SLC4A10: variants seen among roughly 807,000 people sequenced by gnomAD.
The protein encoded by SLC4A10 is solute carrier family 4 member 10, also known as sodium-driven chloride bicarbonate exchanger.
SLC4A10 carries 42 observed loss-of-function variants against 137.7 expected under a neutral mutation model. The ratio of observed to expected loss-of-function variants is 0.30; its 90% CI spans 0.24 to 0.39. The LOEUF is 0.39. Among genes scored for constraint, SLC4A10 ranks in the 10% least tolerant of loss-of-function variants. The pLI is 1.00. For missense variants in SLC4A10, 925 were observed against 1,355.0 expected (o/e 0.68, Z 4.98); for synonymous variants, 474 against 464.1 (o/e 1.02, Z -0.27).
At chr2:161,684,073 G>A (rs910321484) in intron 1 of SLC4A10, among the ~76,000 whole-genome samples, 3 of 151,878 alleles carry the variant, frequency 2.0e-5, no homozygotes, top group Non-Finnish European at 4.4e-5. Flanking sequence ...GACAACCATC[G>A]TTCTTCTTTC....
chr2:161,637,454 G>T (rs973872832), intron 1 of SLC4A10, among the ~76,000 whole-genome samples: 1 of 151,976 alleles, frequency 6.6e-6, no homozygotes, highest in African/African-American at 2.4e-5. Context: ...GCCCACTTTG[G>T]CTTCCCAAAG....
intron 16 of SLC4A10, 81 bp from the exon 17 acceptor site, chr2:161,947,485 T>C: frequency 1.4e-6 from 2 of 1,393,370 alleles, no homozygotes; most frequent in Admixed American, 4.7e-5. Context: ...GAACTACAAT[T>C]GATCAGAAGG....
At chr2:161,710,617 G>A (rs2125058453) in intron 1 of SLC4A10, 1 of 438,946 alleles carries the variant, frequency 2.3e-6, no homozygotes, top group Non-Finnish European at 4.6e-6. Context: ...TTGCATGGCA[G>A]GATAATCTTG....
chr2:161,928,307 G>A (rs1459713778), intron 15 of SLC4A10, among the ~76,000 whole-genome samples: 1 of 145,504 alleles, frequency 6.9e-6, no homozygotes, highest in East Asian at 2.1e-4. Flanking sequence ...TCACTCATAG[G>A]CGGGAATTGA....
intron 1 of SLC4A10, among the ~76,000 whole-genome samples, chr2:161,724,021 C>T (rs2045963984): frequency 1.3e-5 from 2 of 152,184 alleles, no homozygotes; most frequent in South Asian, 4.1e-4. Flanking sequence ...CATAGCATGA[C>T]AACCTGACAA....
chr2:161,699,415 A>G (rs1183013249), intron 1 of SLC4A10, among the ~76,000 whole-genome samples: 10 of 152,186 alleles, frequency 6.6e-5, no homozygotes, highest in Non-Finnish European at 1.5e-5. Flanking sequence ...CAAGAGAAAT[A>G]TGTTTTGAGT....
chr2:161,912,422 C>T (rs1274488314), intron 15 of SLC4A10, among the ~76,000 whole-genome samples: 1 of 151,962 alleles, frequency 6.6e-6, no homozygotes, highest in Non-Finnish European at 1.5e-5. Context: ...AAGTGCTGAC[C>T]CCATTTCTGT....
chr2:161,883,755 C>T (rs542359895), intron 10 of SLC4A10, among the ~76,000 whole-genome samples: 6 of 152,176 alleles, frequency 3.9e-5, no homozygotes, highest in African/African-American at 1.2e-4. Flanking sequence ...TTCTCTGTCT[C>T]CATCTTCACA....
intron 1 of SLC4A10, among the ~76,000 whole-genome samples, chr2:161,657,627 T>A (rs1043509729): frequency 6.6e-6 from 1 of 152,052 alleles, no homozygotes; most frequent in Non-Finnish European, 1.5e-5. Flanking sequence ...TTTTTAATTT[T>A]ATATGATACA....
At chr2:161,755,472 G>A (rs2049510081) in intron 1 of SLC4A10, among the ~76,000 whole-genome samples, 1 of 152,088 alleles carries the variant, frequency 6.6e-6, no homozygotes, top group Admixed American at 6.5e-5. Flanking sequence ...CATAGATTAG[G>A]TGATTTTCAA....
intron 1 of SLC4A10, among the ~76,000 whole-genome samples, chr2:161,645,783 C>G (rs2035951338): frequency 6.6e-6 from 1 of 151,888 alleles, no homozygotes; most frequent in African/African-American, 2.4e-5. Context: ...AATCTGAGAG[C>G]CAGTCAAAAT....
At chr2:161,814,789 C>T (rs2056892794) in intron 3 of SLC4A10, among the ~76,000 whole-genome samples, 1 of 151,938 alleles carries the variant, frequency 6.6e-6, no homozygotes, top group Non-Finnish European at 1.5e-5. Context: ...GGGTGGGGAA[C>T]TAGGGTTAAA....
intron 1 of SLC4A10, among the ~76,000 whole-genome samples, chr2:161,692,511 C>A (rs557525751): frequency 6.6e-6 from 1 of 151,998 alleles, no homozygotes; most frequent in East Asian, 1.9e-4. Flanking sequence ...GTACTTAACA[C>A]GTAATATGAA....
At chr2:161,912,233 A>C (rs1192359530) in intron 15 of SLC4A10, among the ~76,000 whole-genome samples, 16 of 152,126 alleles carry the variant, frequency 1.1e-4, no homozygotes. Flanking sequence ...TATCTTTCAC[A>C]CTTTCTTGTC....
chr2:161,643,695 G>A (rs1392001751), intron 1 of SLC4A10, among the ~76,000 whole-genome samples: 2 of 152,006 alleles, frequency 1.3e-5, no homozygotes, highest in South Asian at 2.1e-4. Flanking sequence ...TCTGCATAAG[G>A]CAAGATATTT....
At chr2:161,737,140 T>G (rs2125222600) in intron 1 of SLC4A10, among the ~76,000 whole-genome samples, 1 of 152,300 alleles carries the variant, frequency 6.6e-6, no homozygotes, top group African/African-American at 2.4e-5. Flanking sequence ...ATCACAAGTG[T>G]GAGCCACCAT....
chr2:161,855,202 C>T, intron 5 of SLC4A10, 72 bp downstream of exon 5: 1 of 1,414,624 alleles, frequency 7.1e-7, no homozygotes, highest in Non-Finnish European at 9.6e-7. Context: ...CCTTATAATT[C>T]AATATACGTA....
chr2:161,753,058 C>T (rs1380546290), intron 1 of SLC4A10, among the ~76,000 whole-genome samples: 2 of 151,870 alleles, frequency 1.3e-5, no homozygotes, highest in Non-Finnish European at 2.9e-5. Context: ...ATAAAATTAG[C>T]ATCAAAAAGG....
intron 1 of SLC4A10, among the ~76,000 whole-genome samples, chr2:161,769,107 G>A (rs2051245577): frequency 6.6e-6 from 1 of 151,894 alleles, no homozygotes; most frequent in African/African-American, 2.4e-5. Flanking sequence ...ACTTCATTTA[G>A]TATAGCCCAT....
Sources: allele counts gnomAD v4.1 joint callset (sites outside exome capture counted in the v4.1 genomes callset), GRCh38; gene constraint gnomAD v4.1.1; transcripts MANE v1.5; gene names NCBI Gene and HGNC (gene_info 2026-07-23, HGNC 2026-07-21).